Variants in AGAP1 observed in about 807,000 individuals in gnomAD.
AGAP1 encodes the protein arf-GAP with GTPase, ANK repeat and PH domain-containing protein 1.
A neutral mutation model predicts 105.3 loss-of-function variants in AGAP1; 29 were observed. The observed-to-expected ratio is 0.28, with a 90% CI of 0.21 to 0.38. The LOEUF (loss-of-function observed/expected upper bound fraction) is 0.38, where lower values mean the gene tolerates loss of function less well. AGAP1 is among the 10% of genes least tolerant of loss of function. The pLI is 1.00. For synonymous variants in AGAP1, 509 were observed against 485.9 expected, an observed-to-expected ratio of 1.05 and a Z score of -0.63; for missense variants, 998 against 1,165.1, an observed-to-expected ratio of 0.86 and a Z score of 2.09.
At chr2:236,111,599 T>TG (rs2059643457) in intron 16 of AGAP1, among the ~76,000 whole-genome samples, 1 of 151,832 alleles carries the variant, frequency 6.6e-6, no homozygotes, top group Non-Finnish European at 1.5e-5. Flanking sequence ...GAGACCAGCC[T>TG]GGGCAACATG....
chr2:236,079,545 T>C (rs2058727729), intron 16 of AGAP1, among the ~76,000 whole-genome samples: 1 of 121,186 alleles, frequency 8.3e-6, no homozygotes, highest in Admixed American at 8.2e-5. Context: ...AAAAAAATTA[T>C]ATATATATAC....
At chr2:235,791,227 T>C (rs998959612) in intron 6 of AGAP1, among the ~76,000 whole-genome samples, 3 of 148,412 alleles carry the variant, frequency 2.0e-5, no homozygotes, top group African/African-American at 7.4e-5. Flanking sequence ...ATATAGATAA[T>C]TTGGTAATTA....
Position 235,904,187 on chromosome 2 carries a change from A to G in AGAP1, c.1156-4551A>G, listed in dbSNP as rs1384030515. ...GAAATCACATTAATGCAGCTAATTA[A>G]GTGTACGGCAATAGATGCAACATAA... On this transcript the variant is annotated intron_variant, in intron 10 of 17. Transcript: ENST00000304032. The surrounding 1 kb of genome is among the most constrained non-coding windows in gnomAD (Gnocchi z 4.2). Among the ~76,000 whole-genome samples, 1 of 152,234 alleles carries G rather than the reference A, an allele frequency of 6.6e-6. No homozygotes were observed. Among genetic ancestry groups the G allele is most frequent in the Non-Finnish European group, 1.5e-5 (1 of 68,038 alleles).
Position 235,551,453 on chromosome 2 carries a change from G to A in AGAP1, c.163+56604G>A, listed in dbSNP as rs1219893263. 6.7e-6 allele frequency among the ~76,000 whole-genome samples: 1 copy of A among 150,318 alleles called. No individual in the cohort carries two copies. The highest frequency in any genetic ancestry group is 1.5e-5 in the Non-Finnish European group (1 of 67,824). ...CCCAAGTAGCTGGGACTACAGGTGCGCAGCACCACACCTGGCTGATTTTTT... is the reference window on the plus strand; with the variant it reads ...CCCAAGTAGCTGGGACTACAGGTGCACAGCACCACACCTGGCTGATTTTTT... On this transcript the variant is annotated intron_variant, in intron 1 of 17. Transcript: ENST00000304032. This position sits in a 1 kb window ranked among gnomAD's most constrained non-coding sequence, Gnocchi z 4.8.
rs950789503 is a variant in AGAP1 at position 235,635,534 on chromosome 2, G to A, written c.164-73645G>A. ...TGATTCAACATGATTTGGAAACCAT[G>A]GGGTAAGTCTCTGAGGAACAAGAAG... On this transcript the variant is annotated intron_variant, in intron 1 of 17. Transcript: ENST00000304032. The surrounding 1 kb of genome is among the most constrained non-coding windows in gnomAD (Gnocchi z 5.3). 5.9e-5 allele frequency among the ~76,000 whole-genome samples: 9 copies of A among 152,056 alleles called. No homozygotes were observed. Among genetic ancestry groups the A allele is most frequent in the Non-Finnish European group, 1.2e-4 (8 of 68,024 alleles).
chr2:235,781,643 C>T (rs541924688), intron 6 of AGAP1, among the ~76,000 whole-genome samples: 18 of 152,138 alleles, frequency 1.2e-4, no homozygotes, highest in Non-Finnish European at 2.2e-4. Context: ...TTCACAGTCT[C>T]GGAGGCACCT....
chr2:235,859,843 C>A (rs758732048), intron 9 of AGAP1, among the ~76,000 whole-genome samples: 2 of 152,190 alleles, frequency 1.3e-5, no homozygotes, highest in Non-Finnish European at 2.9e-5. Context: ...GCTCCTCTTT[C>A]GCCAGCAAGA....
chr2:235,761,140 C>T (rs1003887570), intron 6 of AGAP1, among the ~76,000 whole-genome samples: 7 of 152,106 alleles, frequency 4.6e-5, no homozygotes, highest in African/African-American at 1.7e-4. Context: ...ATCTTAAAAT[C>T]TTAAGGTTGA....
At position 236,105,574 on chromosome 2, in the gene AGAP1, GA is replaced by G. The variant is rs1471965863; in HGVS notation, c.2115-14617del. On this transcript the variant is annotated intron_variant, in intron 16 of 17. Transcript: ENST00000304032. The surrounding 1 kb of genome is among the most constrained non-coding windows in gnomAD (Gnocchi z 4.2). ...TCTTTTTTTTTTTTTTTTTTTTTTT[GA>G]GACACAGTCTCGCTCTGTCACCCAG... Among the ~76,000 whole-genome samples the G allele has an allele frequency of 9.6e-3, 400 of 41,716 alleles. 1 individual carries two copies. The highest frequency in any genetic ancestry group is 0.033 in the African/African-American group (386 of 11,854). The allele number at this position is 41,716 out of a possible 152,430, so 27.4% of individuals were successfully genotyped here.
At chr2:235,995,024 G>GC (rs36026300) in intron 13 of AGAP1, among the ~76,000 whole-genome samples, 74,333 of 127,092 alleles carry the variant, frequency 0.58, 21,528 homozygotes, top group Middle Eastern at 0.72. Context: ...CCGAGATCGC[G>GC]CCTTGCACTC....
In AGAP1 at chr2:235,744,044, C is replaced by T. The variant is rs898915773; in HGVS notation, c.397-654C>T. Among the ~76,000 whole-genome samples the T allele has an allele frequency of 1.3e-5, 2 of 152,198 alleles. No individual in the cohort carries two copies. Among genetic ancestry groups the T allele is most frequent in the African/African-American group, 2.4e-5 (1 of 41,440 alleles). On this transcript the variant is annotated intron_variant, in intron 4 of 17. Transcript: ENST00000304032. The surrounding 1 kb of genome is among the most constrained non-coding windows in gnomAD (Gnocchi z 5.2). ...CAAGACAAGAATAAAATGAATACGG[C>T]AAAGCAAGAACAAAATGGCGAGAGT...
In AGAP1 at chr2:235,900,311, C is replaced by G. The variant is rs1279737455; in HGVS notation, c.1156-8427C>G. On this transcript the variant is annotated intron_variant, in intron 10 of 17. Coordinates refer to ENST00000304032, the MANE Select transcript of AGAP1 (RefSeq NM_001037131.3). This position sits in a 1 kb window ranked among gnomAD's most constrained non-coding sequence, Gnocchi z 5.5. Reference sequence around the variant, plus strand: ...CTCCAGCCAACACTGTAACTTCCTTCTTAGCCTGTTGACTTTGAGGTAGGA... The same window carrying G: ...CTCCAGCCAACACTGTAACTTCCTTGTTAGCCTGTTGACTTTGAGGTAGGA... 6.6e-6 allele frequency among the ~76,000 whole-genome samples: 1 copy of G among 152,048 alleles called. No individual in the cohort carries two copies. The highest frequency in any genetic ancestry group is 1.5e-5 in the Non-Finnish European group (1 of 68,026).
intron 13 of AGAP1, among the ~76,000 whole-genome samples, chr2:236,019,318 G>T (rs2125593105): frequency 6.6e-6 from 1 of 152,300 alleles, no homozygotes; most frequent in East Asian, 1.9e-4. Flanking sequence ...TGTCAGTCTA[G>T]GAGGCTGCAC....
At chr2:235,794,163 A>G (rs1168835329) in intron 6 of AGAP1, among the ~76,000 whole-genome samples, 4 of 152,126 alleles carry the variant, frequency 2.6e-5, no homozygotes, top group South Asian at 2.1e-4. Context: ...TCACCTTTAT[A>G]CAATGTACAC....
chr2:235,675,532 A>G (rs1452256637), intron 1 of AGAP1, among the ~76,000 whole-genome samples: 1 of 152,214 alleles, frequency 6.6e-6, no homozygotes, highest in South Asian at 2.1e-4. Flanking sequence ...CATTTGAAAC[A>G]TTTTGAACTG....
At chr2:235,496,664 C>G (rs1941331797) in intron 1 of AGAP1, among the ~76,000 whole-genome samples, 1 of 152,132 alleles carries the variant, frequency 6.6e-6, no homozygotes, top group Non-Finnish European at 1.5e-5. Context: ...TTTTTATTTC[C>G]CATTCTTGAA....
At chr2:235,695,168 C>T (rs899452218) in intron 1 of AGAP1, among the ~76,000 whole-genome samples, 7 of 152,164 alleles carry the variant, frequency 4.6e-5, no homozygotes, top group East Asian at 1.9e-4. Context: ...TTTTAAGCAT[C>T]GAGGCTGACC....
chr2:236,106,789 G>A lies in AGAP1; in HGVS notation c.2115-13403G>A, dbSNP rs146405076. On this transcript the variant is annotated intron_variant, in intron 16 of 17. Transcript: ENST00000304032. ...CGCAGGAGTAGGTCAAGAGGACCAGGCAAGGTCTGGCTTCCTGATGGGGAC... is the reference window on the plus strand; with the variant it reads ...CGCAGGAGTAGGTCAAGAGGACCAGACAAGGTCTGGCTTCCTGATGGGGAC... 4.5e-3 allele frequency among the ~76,000 whole-genome samples: 686 copies of A among 152,278 alleles called. 6 individuals are homozygous for A. Among genetic ancestry groups the A allele is most frequent in the African/African-American group, 0.016 (646 of 41,568 alleles).
chr2:235,641,394 T>C (rs1947190291), intron 1 of AGAP1, among the ~76,000 whole-genome samples: 1 of 151,606 alleles, frequency 6.6e-6, no homozygotes, highest in Admixed American at 6.6e-5. Flanking sequence ...TTAGGGTAAT[T>C]TGTGATTTAA....
Sources: allele counts gnomAD v4.1 joint callset (sites outside exome capture counted in the v4.1 genomes callset), GRCh38; gene constraint gnomAD v4.1.1; non-coding constraint Gnocchi (gnomAD v3.1); transcripts MANE v1.5; gene names NCBI Gene and HGNC (gene_info 2026-07-23, HGNC 2026-07-21).